BPNT2: variants seen among roughly 807,000 people sequenced by gnomAD.
BPNT2 encodes the protein 3'(2'), 5'-bisphosphate nucleotidase 2.
Under a neutral mutation model 29.3 loss-of-function variants are expected in BPNT2, and 11 were observed. The observed-to-expected ratio is 0.38, with a 90% CI of 0.24 to 0.62. The LOEUF (loss-of-function observed/expected upper bound fraction) is 0.62, where lower values mean the gene tolerates loss of function less well. Among genes scored for constraint, BPNT2 ranks in the 20% least tolerant of loss-of-function variants. The probability of loss-of-function intolerance (pLI) is 0.62; values close to 1 mark genes in which losing one functional copy is unlikely to be tolerated. For missense variants in BPNT2, 459 were observed against 473.4 expected (o/e 0.97, Z 0.28); for synonymous variants, 195 against 187.7 (o/e 1.04, Z -0.32).
intron 1 of BPNT2, among the ~76,000 whole-genome samples, chr8:56,990,272 C>T (rs1220804581): frequency 6.6e-6 from 1 of 152,160 alleles, no homozygotes; most frequent in Non-Finnish European, 1.5e-5. Flanking sequence ...AACAGACAGT[C>T]CCCTGTACAT....
intron 1 of BPNT2, among the ~76,000 whole-genome samples, chr8:56,988,174 TAAAAAC>T (rs1230136778): frequency 2.6e-5 from 4 of 152,286 alleles, no homozygotes; most frequent in African/African-American, 9.6e-5. Context: ...TCTCATATCT[TAAAAAC>T]AAATATACCA....
In BPNT2 at chr8:56,993,608, G is replaced by A. The variant is rs1401175270; in HGVS notation, c.-23C>T. 1 of 1,399,530 alleles carries A rather than the reference G, an allele frequency of 7.1e-7. No homozygotes were observed. Among genetic ancestry groups the A allele is most frequent in the Middle Eastern group, 2.6e-4 (1 of 3,908 alleles). The allele number at this position is 1,399,530 out of a possible 1,614,324, so 86.7% of individuals were successfully genotyped here. A position where few individuals can be genotyped will look rare whatever the true frequency, so the allele number is the denominator to read the frequency against. On this transcript the variant is annotated 5_prime_UTR_variant, in exon 1 of 5. Coordinates refer to ENST00000262644, the MANE Select transcript of BPNT2 (RefSeq NM_017813.5). ...CATGGCGTGGGAAGCCGGGCGCTCC[G>A]GGCTGCGGCTCTCACAGGCCTCCAG...
chr8:56,983,266 T>C (rs1249879692), intron 1 of BPNT2, among the ~76,000 whole-genome samples: 1 of 152,044 alleles, frequency 6.6e-6, no homozygotes, highest in Non-Finnish European at 1.5e-5. Flanking sequence ...AAAAAAGTAA[T>C]GTAGCTAGAG....
Position 56,966,436 on chromosome 8 carries a change from A to G in BPNT2, c.647-84T>C, listed in dbSNP as rs939704251. The G allele has an allele frequency of 6.9e-6, 8 of 1,153,152 alleles. No homozygotes were observed. The African/African-American group carries it at 1.2e-4, about 18-fold the overall frequency. 71.4% of individuals were successfully genotyped at this position (1,153,152 alleles called of 1,614,324 possible). On this transcript the variant is annotated intron_variant, in intron 3 of 4. Transcript: ENST00000262644. ...TTCTTCAGAACCCAAAGTGCTATGTATGACTGACAAAATAGCTCTCTTCTA... is the reference window on the plus strand; with the variant it reads ...TTCTTCAGAACCCAAAGTGCTATGTGTGACTGACAAAATAGCTCTCTTCTA...
intron 3 of BPNT2, among the ~76,000 whole-genome samples, chr8:56,974,004 C>T (rs74446328): frequency 6.6e-6 from 1 of 152,144 alleles, no homozygotes; most frequent in Non-Finnish European, 1.5e-5. Context: ...TTCTCTTTCT[C>T]CTCCTCCTCT....
intron 1 of BPNT2, among the ~76,000 whole-genome samples, chr8:56,985,271 T>C (rs1043071442): frequency 4.6e-5 from 7 of 152,110 alleles, no homozygotes; most frequent in East Asian, 1.9e-4. Context: ...ACTCAATAAA[T>C]ACATCTTAAC....
intron 1 of BPNT2, among the ~76,000 whole-genome samples, chr8:56,988,591 T>C (rs891035795): frequency 2.6e-5 from 4 of 152,248 alleles, no homozygotes; most frequent in African/African-American, 7.2e-5. Context: ...TTCTAGGCCC[T>C]GATATTCCCC....
intron 3 of BPNT2, among the ~76,000 whole-genome samples, chr8:56,974,685 G>C (rs1806101083): frequency 6.6e-6 from 1 of 152,166 alleles, no homozygotes; most frequent in Non-Finnish European, 1.5e-5. Flanking sequence ...TTGTGTTCCA[G>C]TACATTGGGC....
At chr8:56,973,777 C>T (rs1417225838) in intron 3 of BPNT2, among the ~76,000 whole-genome samples, 2 of 152,188 alleles carry the variant, frequency 1.3e-5, no homozygotes, top group Non-Finnish European at 2.9e-5. Flanking sequence ...TTATTCAAGA[C>T]TGCTTTTGAC....
At chr8:56,969,376 T>C (rs1444473171) in intron 3 of BPNT2, among the ~76,000 whole-genome samples, 1 of 152,228 alleles carries the variant, frequency 6.6e-6, no homozygotes, top group African/African-American at 2.4e-5. Flanking sequence ...ACAAGCTTTA[T>C]CCAACCAAGG....
chr8:56,986,404 A>G (rs1806327247), intron 1 of BPNT2, among the ~76,000 whole-genome samples: 3 of 152,236 alleles, frequency 2.0e-5, no homozygotes, highest in Admixed American at 6.5e-5. Context: ...TAGGTACAGA[A>G]TAGTAGGAGT....
chr8:56,982,764 T>C (rs556589574), intron 1 of BPNT2, among the ~76,000 whole-genome samples: 27 of 152,236 alleles, frequency 1.8e-4, no homozygotes, highest in African/African-American at 5.8e-4. Flanking sequence ...AAGGGGTAGA[T>C]AGTATTAAGA....
rs1449285312 is a variant in BPNT2, at chr8:56,958,340, G to T, written c.*5453C>A. 3 of 152,182 alleles carry T rather than the reference G, an allele frequency of 2.0e-5. No homozygotes were observed. The highest frequency in any genetic ancestry group is 4.4e-5 in the Non-Finnish European group (3 of 68,034). 9.4% of individuals were successfully genotyped at this position (152,182 alleles called of 1,614,324 possible). On this transcript the variant is annotated 3_prime_UTR_variant, in exon 5 of 5. Transcript: ENST00000262644. ...ATAATCTAGTAAGAGCACATACAGA[G>T]ATGGTGCTTGCAGGTAAAAACTGCT...
At chr8:56,971,966 G>A (rs770119673) in intron 3 of BPNT2, among the ~76,000 whole-genome samples, 1 of 151,832 alleles carries the variant, frequency 6.6e-6, no homozygotes, top group Non-Finnish European at 1.5e-5. Flanking sequence ...GTGGTGTCAG[G>A]CATCTGCAGT....
At position 56,962,902 on chromosome 8, in the gene BPNT2, A is replaced by C. The variant is rs1165834726; in HGVS notation, c.*891T>G. On this transcript the variant is annotated 3_prime_UTR_variant, in exon 5 of 5. Transcript: ENST00000262644. ...AGTAACTTTCAATTGTAATAGAATC[A>C]TTTATATTCTTATAGTGCCTTACAG... The C allele has an allele frequency of 1.3e-5, 2 of 152,206 alleles. No individual in the cohort carries two copies. The highest frequency in any genetic ancestry group is 4.8e-5 in the African/African-American group (2 of 41,456). The allele number at this position is 152,206 out of a possible 1,614,324, so 9.4% of individuals were successfully genotyped here.
chr8:56,978,038 CA>C lies in BPNT2; in HGVS notation c.646+11del. On this transcript the variant is annotated intron_variant, in intron 3 of 4. Transcript: ENST00000262644. The stretch of plus-strand genomic sequence containing the variant: ...TAACAATAATTCTTGAAAGTTCTAG[CA>C]AATTTCATACCTGTATATTCGGAAA... 2.7e-6 allele frequency: 4 copies of C among 1,482,154 alleles called. No individual in the cohort carries two copies. Among genetic ancestry groups the C allele is most frequent in the Non-Finnish European group, 3.8e-6 (4 of 1,060,442 alleles). 91.8% of individuals were successfully genotyped at this position (1,482,154 alleles called of 1,614,324 possible).
chr8:56,992,057 G>T (rs377041164), intron 1 of BPNT2, among the ~76,000 whole-genome samples: 1 of 151,976 alleles, frequency 6.6e-6, no homozygotes, highest in Non-Finnish European at 1.5e-5. Flanking sequence ...AGAAAAAGAC[G>T]AAAGAAAAGG....
chr8:56,982,492 G>T (rs1215762360), intron 1 of BPNT2, among the ~76,000 whole-genome samples: 2 of 152,132 alleles, frequency 1.3e-5, no homozygotes, highest in Non-Finnish European at 2.9e-5. Context: ...TATTAATTCA[G>T]CAAATGCTTA....
At chr8:56,991,441 A>G (rs1806414331) in intron 1 of BPNT2, among the ~76,000 whole-genome samples, 2 of 152,218 alleles carry the variant, frequency 1.3e-5, no homozygotes, top group South Asian at 4.1e-4. Context: ...ACACACATAC[A>G]GATGTGTTTT....
Sources: allele counts gnomAD v4.1 joint callset (sites outside exome capture counted in the v4.1 genomes callset), GRCh38; gene constraint gnomAD v4.1.1; transcripts MANE v1.5; gene names NCBI Gene and HGNC (gene_info 2026-07-23, HGNC 2026-07-21).